Variants in CACNA1C observed in about 807,000 individuals in gnomAD.
CACNA1C encodes the protein voltage-dependent L-type calcium channel subunit alpha-1C.
In CACNA1C, 30 loss-of-function variants were observed where a neutral mutation model predicts 229.0. The ratio of observed to expected loss-of-function variants is 0.13; its 90% CI spans 0.10 to 0.18. The LOEUF (loss-of-function observed/expected upper bound fraction) is 0.18, where lower values mean the gene tolerates loss of function less well. Ranked by LOEUF, CACNA1C falls within the 10% of genes least tolerant of loss-of-function variation. CACNA1C has a pLI of 1.00. For synonymous variants in CACNA1C, 1,114 were observed against 1,132.5 expected, an observed-to-expected ratio of 0.98 and a Z score of 0.33; for missense variants, 1,658 against 2,845.0, an observed-to-expected ratio of 0.58 and a Z score of 9.49.
chr12:2,546,896 T>C (rs1433302958), intron 9 of CACNA1C, among the ~76,000 whole-genome samples: 2 of 152,142 alleles, frequency 1.3e-5, no homozygotes, highest in Non-Finnish European at 2.9e-5. Context: ...GACCAGTGGG[T>C]TGTTTTTCTA....
intron 1 of CACNA1C, among the ~76,000 whole-genome samples, chr12:1,983,296 ATACTC>A (rs1276774275): frequency 6.6e-6 from 1 of 151,776 alleles, no homozygotes; most frequent in Non-Finnish European, 1.5e-5. Flanking sequence ...TGGATTTAAT[ATACTC>A]TTCTCCTATT....
chr12:2,102,171 C>A (rs1349654160), intron 1 of CACNA1C, among the ~76,000 whole-genome samples: 1 of 152,200 alleles, frequency 6.6e-6, no homozygotes, highest in African/African-American at 2.4e-5. Context: ...GGCAAACATA[C>A]TAATTTAAAA....
At chr12:2,216,827 A>T (rs987167444) in intron 3 of CACNA1C, among the ~76,000 whole-genome samples, 5 of 152,138 alleles carry the variant, frequency 3.3e-5, no homozygotes, top group Non-Finnish European at 7.4e-5. Context: ...AGACTCCAGC[A>T]CAGAATTTGC....
rs780270326 is a variant in CACNA1C at position 2,275,080 on chromosome 12, C to T, written c.477+154650C>T. Among the ~76,000 whole-genome samples the T allele has an allele frequency of 2.6e-5, 4 of 152,186 alleles. No homozygotes were observed. Among genetic ancestry groups the T allele is most frequent in the South Asian group, 2.1e-4 (1 of 4,830 alleles). ...GCAGGTGAAACAAGGCGGAAAGGAC[C>T]GTAATTACCTCCTAACAGGTTTCCA... On this transcript the variant is annotated intron_variant, in intron 3 of 46. Transcript: ENST00000399655. The surrounding 1 kb of genome is among the most constrained non-coding windows in gnomAD (Gnocchi z 4.1).
chr12:2,437,136 A>C (rs1158432443), intron 3 of CACNA1C, among the ~76,000 whole-genome samples: 1 of 152,236 alleles, frequency 6.6e-6, no homozygotes, highest in Non-Finnish European at 1.5e-5. Context: ...TGGAGAAGAG[A>C]AAAGGAATAA....
rs908082460 is a variant in CACNA1C at position 2,467,108 on chromosome 12, T to C, written c.757+9402T>C. Among the ~76,000 whole-genome samples the C allele has an allele frequency of 4.6e-5, 7 of 152,170 alleles. No individual in the cohort carries two copies. Among genetic ancestry groups the C allele is most frequent in the Non-Finnish European group, 2.9e-5 (2 of 68,016 alleles). On this transcript the variant is annotated intron_variant, in intron 5 of 46. Transcript: ENST00000399655. The surrounding 1 kb of genome is among the most constrained non-coding windows in gnomAD (Gnocchi z 4.6). ...TCCCTCATTCTCCTTCACACAGCGC[T>C]GGAGGCTGCCTGGTCCCCCTGCCCG...
rs1160522397 is a variant in CACNA1C, at chr12:2,693,753, G to C, written c.*2554G>C. The C allele has an allele frequency of 6.6e-6, 1 of 152,208 alleles. No individual in the cohort carries two copies. Among genetic ancestry groups the C allele is most frequent in the Non-Finnish European group, 1.5e-5 (1 of 68,048 alleles). The allele number at this position is 152,208 out of a possible 1,614,324, so 9.4% of individuals were successfully genotyped here. ...TGTGTCCTTCAAATGTATGTCAACAGTGGTGGCTGAAAAGGGACTGCTTTG... is the reference window on the plus strand; with the variant it reads ...TGTGTCCTTCAAATGTATGTCAACACTGGTGGCTGAAAAGGGACTGCTTTG... On this transcript the variant is annotated 3_prime_UTR_variant, in exon 47 of 47. Coordinates refer to ENST00000399655, the MANE Select transcript of CACNA1C (RefSeq NM_000719.7).
chr12:2,510,867 A>G (rs975328691), intron 8 of CACNA1C, among the ~76,000 whole-genome samples: 3 of 152,206 alleles, frequency 2.0e-5, no homozygotes, highest in Non-Finnish European at 2.9e-5. Flanking sequence ...GAAAAATGCT[A>G]TATGAGGTTA....
At chr12:2,682,882 CA>C (rs2097235918) in intron 43 of CACNA1C, among the ~76,000 whole-genome samples, 1 of 16,686 alleles carries the variant, frequency 6.0e-5, no homozygotes, top group Non-Finnish European at 4.0e-4. Flanking sequence ...ACACACACCA[CA>C]CACACACACA....
chr12:2,600,433 ACTCTGCCCTGGGCATG>A (rs555973168), intron 21 of CACNA1C, among the ~76,000 whole-genome samples: 2 of 152,222 alleles, frequency 1.3e-5, no homozygotes, highest in African/African-American at 4.8e-5. Context: ...CTCTGCGGAC[ACTCTGCCCTGGGCATG>A]CTCTGATTCC....
chr12:2,219,725 A>G (rs1484156880), intron 3 of CACNA1C, among the ~76,000 whole-genome samples: 1 of 152,234 alleles, frequency 6.6e-6, no homozygotes, highest in Non-Finnish European at 1.5e-5. Context: ...TCTGTGGAGC[A>G]TCTGAAACCC....
rs2093681322 is a variant in CACNA1C at position 2,137,674 on chromosome 12, G to A, written c.477+17244G>A. ...TGATTCAAACTAGACAGATATATTT[G>A]TCTCTAAAATACTTACTGTTTTTTT... On this transcript the variant is annotated intron_variant, in intron 3 of 46. Transcript: ENST00000399655. Among the ~76,000 whole-genome samples, 3 of 151,184 alleles carry A rather than the reference G, an allele frequency of 2.0e-5. No homozygotes were observed. The South Asian group carries it at 6.3e-4, about 32-fold the overall frequency.
rs1175228285 is a variant in CACNA1C at position 2,549,842 on chromosome 12, C to T, written c.1391-101C>T. ...TGCTCAGCCTCTCTTTCTGCCAACC[C>T]GCACTGGGTCTTGCGGTGGGCGTGT... On this transcript the variant is annotated intron_variant, in intron 9 of 46. Coordinates refer to ENST00000399655, the MANE Select transcript of CACNA1C (RefSeq NM_000719.7). 7.3e-6 allele frequency: 6 copies of T among 817,134 alleles called. No homozygotes were observed. In the Admixed American group the frequency reaches 8.1e-5, roughly 11 times the overall value. 50.6% of individuals were successfully genotyped at this position (817,134 alleles called of 1,614,324 possible). A position where few individuals can be genotyped will look rare whatever the true frequency, so the allele number is the denominator to read the frequency against.
In CACNA1C at chr12:2,138,781, G is replaced by A. The variant is rs76286194; in HGVS notation, c.477+18351G>A. Among the ~76,000 whole-genome samples the A allele has an allele frequency of 2.0e-3, 301 of 151,188 alleles. 6 individuals are homozygous for A. The highest frequency in any genetic ancestry group is 6.8e-3 in the African/African-American group (281 of 41,454). ...TGCCTCTTGTGCGGCCTGCAGAACC[G>A]TGAGCCAAATACGCCTCTTTTCTTT... On this transcript the variant is annotated intron_variant, in intron 3 of 46. Transcript: ENST00000399655.
At chr12:2,240,804 C>G (rs1046215792) in intron 3 of CACNA1C, among the ~76,000 whole-genome samples, 8 of 152,066 alleles carry the variant, frequency 5.3e-5, no homozygotes, top group African/African-American at 1.9e-4. Flanking sequence ...CCCTCTCCCC[C>G]ACCCCCTGAC....
At chr12:2,641,406 G>A (rs2093676488) in intron 30 of CACNA1C, 1 of 301,698 alleles carries the variant, frequency 3.3e-6, no homozygotes, top group Admixed American at 4.9e-5. Flanking sequence ...GATGACATTG[G>A]TGGGTGTGGC....
intron 3 of CACNA1C, among the ~76,000 whole-genome samples, chr12:2,385,436 C>T (rs540049932): frequency 5.3e-5 from 8 of 152,250 alleles, no homozygotes; most frequent in Non-Finnish European, 1.2e-4. Flanking sequence ...CCACCAGCAA[C>T]TAAAATTGTT....
intron 3 of CACNA1C, among the ~76,000 whole-genome samples, chr12:2,361,372 A>G (rs2097553289): frequency 6.6e-6 from 1 of 152,294 alleles, no homozygotes; most frequent in South Asian, 2.1e-4. Flanking sequence ...AGTGTCCTGC[A>G]TGGCCAGGTG....
intron 3 of CACNA1C, among the ~76,000 whole-genome samples, chr12:2,417,276 T>C (rs1280704739): frequency 6.6e-6 from 1 of 152,242 alleles, no homozygotes; most frequent in Non-Finnish European, 1.5e-5. Context: ...GGTGATGTCC[T>C]GTCATGATCA....
Sources: allele counts gnomAD v4.1 joint callset (sites outside exome capture counted in the v4.1 genomes callset), GRCh38; gene constraint gnomAD v4.1.1; non-coding constraint Gnocchi (gnomAD v3.1); transcripts MANE v1.5; gene names NCBI Gene and HGNC (gene_info 2026-07-23, HGNC 2026-07-21).